LRP1B: variants seen among roughly 807,000 people sequenced by gnomAD.
The protein encoded by LRP1B is low-density lipoprotein receptor-related protein 1B.
LRP1B carries 217 observed loss-of-function variants against 556.6 expected under a neutral mutation model. The observed-to-expected ratio is 0.39, with a 90% CI of 0.35 to 0.44. The LOEUF (loss-of-function observed/expected upper bound fraction) is 0.44, where lower values mean the gene tolerates loss of function less well. LRP1B is among the 20% of genes least tolerant of loss of function. LRP1B has a pLI of 1.00. For synonymous variants in LRP1B, 2,047 were observed against 1,865.8 expected, an observed-to-expected ratio of 1.10 and a Z score of -2.50; for missense variants, 5,053 against 5,620.8, an observed-to-expected ratio of 0.90 and a Z score of 3.23.
intron 29 of LRP1B, among the ~76,000 whole-genome samples, chr2:140,848,130 T>C (rs187136574): frequency 6.6e-6 from 1 of 152,338 alleles, no homozygotes; most frequent in African/African-American, 2.4e-5. Flanking sequence ...GTGAATTTCT[T>C]GAGGGAAGAC....
At chr2:142,036,046 G>T (rs907184156) in intron 1 of LRP1B, among the ~76,000 whole-genome samples, 1 of 151,670 alleles carries the variant, frequency 6.6e-6, no homozygotes, top group Non-Finnish European at 1.5e-5. Context: ...CCAGCCACAT[G>T]GAAATGTAAA....
chr2:141,984,074 A>T (rs1702117524), intron 1 of LRP1B, among the ~76,000 whole-genome samples: 1 of 152,144 alleles, frequency 6.6e-6, no homozygotes, highest in African/African-American at 2.4e-5. Context: ...AAATAAATAA[A>T]TAAATAAAAA....
At chr2:141,688,415 T>G (rs1691391622) in intron 2 of LRP1B, among the ~76,000 whole-genome samples, 1 of 151,896 alleles carries the variant, frequency 6.6e-6, no homozygotes, top group South Asian at 2.1e-4. Flanking sequence ...TCATACTAAT[T>G]ATTAATATCA....
chr2:140,389,607 G>A (rs1333618962), intron 66 of LRP1B, among the ~76,000 whole-genome samples: 4 of 149,882 alleles, frequency 2.7e-5, no homozygotes, highest in African/African-American at 9.8e-5. Flanking sequence ...ATAAAACATT[G>A]CTGAGAAAAA....
chr2:140,482,316 C>T (rs931585227), intron 59 of LRP1B, among the ~76,000 whole-genome samples: 2 of 152,130 alleles, frequency 1.3e-5, no homozygotes, highest in African/African-American at 4.8e-5. Context: ...CATACATTCA[C>T]TTTAATGTTT....
At chr2:140,351,109 TTTAAA>T in intron 76 of LRP1B, 71 bp from the exon 77 acceptor site, 1 of 1,027,798 alleles carries the variant, frequency 9.7e-7, no homozygotes, top group Non-Finnish European at 1.4e-6. Context: ...TAATTGTACT[TTTAAA>T]TTATCTTGAA....
chr2:140,713,426 A>G (rs989866096), intron 37 of LRP1B, among the ~76,000 whole-genome samples: 1 of 152,008 alleles, frequency 6.6e-6, no homozygotes, highest in African/African-American at 2.4e-5. Flanking sequence ...GGGAAGGGAA[A>G]GAACCCTTTT....
At chr2:140,502,831 T>C in intron 54 of LRP1B, 132 bp downstream of exon 54, 1 of 810,796 alleles carries the variant, frequency 1.2e-6, no homozygotes, top group South Asian at 1.9e-5. Flanking sequence ...GTACCCTGCA[T>C]GGTGTCACTA....
At chr2:141,137,035 C>CA (rs1226356111) in intron 7 of LRP1B, among the ~76,000 whole-genome samples, 10 of 121,924 alleles carry the variant, frequency 8.2e-5, no homozygotes, top group African/African-American at 3.7e-4. Context: ...TTTCATTATT[C>CA]GAAAAAAAGT....
intron 7 of LRP1B, among the ~76,000 whole-genome samples, chr2:141,158,223 G>A (rs1002914459): frequency 6.6e-6 from 1 of 151,728 alleles, no homozygotes; most frequent in African/African-American, 2.4e-5. Flanking sequence ...TCTTTACCCC[G>A]CTGCTATTAA....
intron 7 of LRP1B, among the ~76,000 whole-genome samples, chr2:141,147,202 T>C (rs1701807524): frequency 6.6e-6 from 1 of 152,170 alleles, no homozygotes; most frequent in South Asian, 2.1e-4. Flanking sequence ...CCTCTTGCCC[T>C]TTAGGCTTAG....
At chr2:141,441,670 C>T (rs955320186) in intron 3 of LRP1B, among the ~76,000 whole-genome samples, 2 of 152,100 alleles carry the variant, frequency 1.3e-5, no homozygotes, top group Non-Finnish European at 2.9e-5. Context: ...ATATTCTATA[C>T]AGGAGCTGAT....
chr2:141,990,831 C>A (rs1163775252), intron 1 of LRP1B, among the ~76,000 whole-genome samples: 1 of 151,924 alleles, frequency 6.6e-6, no homozygotes, highest in African/African-American at 2.4e-5. Context: ...TAATATTTAA[C>A]CAAAATTTCT....
intron 1 of LRP1B, among the ~76,000 whole-genome samples, chr2:142,129,010 T>C (rs1707756794): frequency 6.6e-6 from 1 of 152,232 alleles, no homozygotes. Flanking sequence ...GTCAAATTTC[T>C]GGAGATTGGA....
At chr2:140,580,966 A>T (rs897340675) in intron 43 of LRP1B, among the ~76,000 whole-genome samples, 1 of 152,194 alleles carries the variant, frequency 6.6e-6, no homozygotes, top group Admixed American at 6.5e-5. Flanking sequence ...TATGGTACAC[A>T]TGTTTATGTC....
intron 66 of LRP1B, among the ~76,000 whole-genome samples, chr2:140,439,649 T>C (rs1486519254): frequency 6.6e-6 from 1 of 152,044 alleles, no homozygotes; most frequent in African/African-American, 2.4e-5. Context: ...ATATATTTAA[T>C]TTAATTTTTA....
intron 21 of LRP1B, among the ~76,000 whole-genome samples, 156 bp from the exon 22 acceptor site, chr2:140,908,233 A>G (rs1006317520): frequency 2.6e-5 from 4 of 151,756 alleles, no homozygotes; most frequent in Non-Finnish European, 5.9e-5. Flanking sequence ...TATTTTCATG[A>G]CAGCATTTGA....
At chr2:141,855,505 T>C (rs558264478) in intron 1 of LRP1B, among the ~76,000 whole-genome samples, 8 of 152,260 alleles carry the variant, frequency 5.3e-5, no homozygotes, top group African/African-American at 1.9e-4. Context: ...TCTGCCAAGC[T>C]CATACATGCT....
At chr2:141,496,755 A>G (rs1233543674) in intron 2 of LRP1B, among the ~76,000 whole-genome samples, 1 of 151,998 alleles carries the variant, frequency 6.6e-6, no homozygotes, top group Non-Finnish European at 1.5e-5. Context: ...ATCAAAGAAG[A>G]AATAAGAAAA....
Sources: allele counts gnomAD v4.1 joint callset (sites outside exome capture counted in the v4.1 genomes callset), GRCh38; gene constraint gnomAD v4.1.1; transcripts MANE v1.5; gene names NCBI Gene and HGNC (gene_info 2026-07-23, HGNC 2026-07-21).